Variants in ALDH18A1 observed in about 807,000 individuals in gnomAD.
The protein encoded by ALDH18A1 is delta-1-pyrroline-5-carboxylate synthase.
In ALDH18A1, 44 loss-of-function variants were observed where a neutral mutation model predicts 88.8. The observed-to-expected ratio is 0.50, with a 90% confidence interval of 0.39 to 0.64. ALDH18A1 has a LOEUF of 0.64. Ranked by LOEUF, ALDH18A1 falls within the 30% of genes least tolerant of loss-of-function variation. The pLI, the probability that ALDH18A1 is intolerant of heterozygous loss-of-function variation, is 0.00. For missense variants in ALDH18A1, 782 were observed against 1,009.5 expected (o/e 0.77, Z 3.05); for synonymous variants, 331 against 372.1 (o/e 0.89, Z 1.27).
intron 3 of ALDH18A1, among the ~76,000 whole-genome samples, chr10:95,637,708 C>G (rs1263310770): frequency 6.6e-6 from 1 of 152,108 alleles, no homozygotes; most frequent in Non-Finnish European, 1.5e-5. Flanking sequence ...GTGGCTCATG[C>G]CTGTAATCCC....
intron 2 of ALDH18A1, among the ~76,000 whole-genome samples, chr10:95,646,768 A>G (rs1304221455): frequency 2.6e-5 from 4 of 152,170 alleles, no homozygotes; most frequent in African/African-American, 9.7e-5. Context: ...GTCCCCTCTT[A>G]GTAGGTATGA....
intron 12 of ALDH18A1, among the ~76,000 whole-genome samples, chr10:95,619,837 A>G (rs1304139161): frequency 2.6e-5 from 4 of 152,238 alleles, no homozygotes; most frequent in African/African-American, 9.6e-5. Flanking sequence ...TAAAAACCCT[A>G]GAAGAAAACC....
Position 95,621,036 on chromosome 10 carries a change from G to A in ALDH18A1, c.1462C>T (p.Pro488Ser). The change falls in exon 12 of 18, where the codon CCC becomes TCC. Residue 488 changes from proline (P) to serine (S), a missense_variant. Coordinates refer to ENST00000371224, the MANE Select transcript of ALDH18A1 (RefSeq NM_002860.4). ...VIFESRPDCLPQVAALAIASG... is the reference protein window; with the variant it reads ...VIFESRPDCLSQVAALAIASG... ...CTCCCGGGGTATATACACACCTGGG[G>A]TAGACAGTCAGGACGAGATTCAAAG... is the stretch of plus-strand genomic sequence containing the variant. 1 of 1,614,038 alleles carries A rather than the reference G, an allele frequency of 6.2e-7. No homozygotes were observed. Among genetic ancestry groups the A allele is most frequent in the Non-Finnish European group, 8.5e-7 (1 of 1,179,976 alleles).
intron 7 of ALDH18A1, 135 bp from the exon 8 acceptor site, chr10:95,628,627 C>T: frequency 9.3e-7 from 1 of 1,069,860 alleles, no homozygotes; most frequent in Non-Finnish European, 1.4e-6. Context: ...CTGCTTTAAC[C>T]AGAAAAAGAG....
chr10:95,640,114 G>A (rs565241542), intron 3 of ALDH18A1, among the ~76,000 whole-genome samples: 1 of 152,132 alleles, frequency 6.6e-6, no homozygotes, highest in Admixed American at 6.5e-5. Context: ...TTTATAATCT[G>A]GAATAATTCC....
In ALDH18A1 at chr10:95,636,796, T is replaced by A. The variant is rs56256708; in HGVS notation, c.558+297A>T. 0.014 allele frequency among the ~76,000 whole-genome samples: 2,118 copies of A among 152,300 alleles called. 46 individuals are homozygous for A. The highest frequency in any genetic ancestry group is 0.049 in the African/African-American group (2,017 of 41,564). On this transcript the variant is annotated intron_variant, in intron 5 of 17. Coordinates refer to ENST00000371224, the MANE Select transcript of ALDH18A1 (RefSeq NM_002860.4). ...GTTAGCACTTGGAATCCTAAGTTAT[T>A]AGTGTAACAAGAACTGATATTTACT...
chr10:95,626,577 A>T, intron 10 of ALDH18A1, 126 bp downstream of exon 10: 5 of 888,614 alleles, frequency 5.6e-6, no homozygotes, highest in South Asian at 1.4e-5. Context: ...TTTGAATCAG[A>T]CTTGTAACTC....
intron 11 of ALDH18A1, 43 bp downstream of exon 11, chr10:95,625,319 C>T: frequency 6.5e-7 from 1 of 1,532,674 alleles, no homozygotes; most frequent in Non-Finnish European, 9.0e-7. Flanking sequence ...CAAAATAATG[C>T]ACACCCCTCC....
chr10:95,643,274 C>G (rs2097895403), intron 2 of ALDH18A1, 68 bp from the exon 3 acceptor site: 3 of 1,496,734 alleles, frequency 2.0e-6, no homozygotes, highest in Non-Finnish European at 2.8e-6. Flanking sequence ...TAAAAATATA[C>G]ATGCTCAGTA....
In ALDH18A1 at chr10:95,643,064, G is replaced by A. The variant is rs1278292461; in HGVS notation, c.231C>T (p.Leu77=). ...LKHAKRIVVK[L]GSAVVTRGDE... ...CCCCTCGGGTCACCACGGCACTGCC[G>A]AGCTTCACCACGATTCTCTTGGCAT... is the stretch of plus-strand genomic sequence containing the variant. Residue 77 remains leucine (L), a synonymous_variant, in exon 3 of 18, where the codon CTC becomes CTT. Transcript: ENST00000371224. 5.6e-6 allele frequency: 9 copies of A among 1,614,052 alleles called. No homozygotes were observed. In the East Asian group the frequency reaches 1.3e-4, roughly 24 times the overall value.
rs2097822013 is a variant in ALDH18A1, at chr10:95,606,068, A to C, written c.*694T>G. 5.4e-6 allele frequency: 1 copy of C among 185,894 alleles called. No individual in the cohort carries two copies. The allele number at this position is 185,894 out of a possible 1,614,324, so 11.5% of individuals were successfully genotyped here. On this transcript the variant is annotated 3_prime_UTR_variant, in exon 18 of 18. Coordinates refer to ENST00000371224, the MANE Select transcript of ALDH18A1 (RefSeq NM_002860.4). ...AATTCATACAAAAATTTCAAGCATC[A>C]CTGCTGTAGATATTCCTCCAGCTCA...
chr10:95,620,037 A>C (rs543683638), intron 12 of ALDH18A1, among the ~76,000 whole-genome samples: 1 of 152,332 alleles, frequency 6.6e-6, no homozygotes, highest in African/African-American at 2.4e-5. Context: ...CAATCTACCT[A>C]TTTGACAAAG....
Position 95,621,395 on chromosome 10 carries a change from A to G in ALDH18A1, c.1247-144T>C, listed in dbSNP as rs546063961. On this transcript the variant is annotated intron_variant, in intron 11 of 17. Coordinates refer to ENST00000371224, the MANE Select transcript of ALDH18A1 (RefSeq NM_002860.4). ...AGTGCAGTGGCATGATCTAGGCCCA[A>G]TGCAACCTCTGCCTCCTGGGTTCAA... 133 of 733,372 alleles carry G rather than the reference A, an allele frequency of 1.8e-4. No homozygotes were observed. The Middle Eastern group carries it at 3.5e-3, about 19-fold the overall frequency. 45.4% of individuals were successfully genotyped at this position (733,372 alleles called of 1,614,324 possible).
At position 95,628,447 on chromosome 10, in the gene ALDH18A1, T is replaced by A; in HGVS notation, c.854A>T (p.Asp285Val). Residue 285 changes from aspartate to valine, a missense_variant, in exon 8 of 18, where the codon GAT becomes GTT. Around this residue, in one of 3 missense-constraint regions of ALDH18A1, gnomAD observed 556 missense variants for 654.5 expected, o/e 0.85. Coordinates refer to ENST00000371224, the MANE Select transcript of ALDH18A1 (RefSeq NM_002860.4). ...PPGSDDAKLI[D>V]IFYPGDQQSV... ...CTGCTGATCTCCGGGATAAAATATA[T>A]CAATAAGCTTTGCATCATCTGAACC... The A allele has an allele frequency of 6.2e-7, 1 of 1,614,004 alleles. No individual in the cohort carries two copies. Among genetic ancestry groups the A allele is most frequent in the Non-Finnish European group, 8.5e-7 (1 of 1,179,976 alleles).
intron 15 of ALDH18A1, among the ~76,000 whole-genome samples, chr10:95,612,742 G>C (rs2097837516): frequency 6.6e-6 from 1 of 152,208 alleles, no homozygotes; most frequent in South Asian, 2.1e-4. Context: ...GGCTAAAGGA[G>C]AGCTTTCCTC....
rs1015740582 is a variant in ALDH18A1 at position 95,632,857 on chromosome 10, A to G, written c.808+102T>C. ...AACATATGGCTAATGATCTATAGCAAAAAAACATCAGAGGGACTCAAAGAA... is the reference window on the plus strand; with the variant it reads ...AACATATGGCTAATGATCTATAGCAGAAAAACATCAGAGGGACTCAAAGAA... On this transcript the variant is annotated intron_variant, in intron 7 of 17. Coordinates refer to ENST00000371224, the MANE Select transcript of ALDH18A1 (RefSeq NM_002860.4). 8.6e-6 allele frequency: 9 copies of G among 1,046,020 alleles called. No individual in the cohort carries two copies. In the African/African-American group the frequency reaches 1.4e-4, roughly 17 times the overall value. 64.8% of individuals were successfully genotyped at this position (1,046,020 alleles called of 1,614,324 possible). A position where few individuals can be genotyped will look rare whatever the true frequency, so the allele number is the denominator to read the frequency against.
rs190909413 is a variant in ALDH18A1 at position 95,625,555 on chromosome 10, C to T, written c.1153-100G>A. On this transcript the variant is annotated intron_variant, in intron 10 of 17. Transcript: ENST00000371224. ...ACTCTTCTGAGAGTGCCAGGCCTTG[C>T]TCCCACATCCACGGTCATCACCAGT... 53 of 957,358 alleles carry T rather than the reference C, an allele frequency of 5.5e-5. No individual in the cohort carries two copies. The South Asian group carries it at 6.5e-4, about 12-fold the overall frequency. 59.3% of individuals were successfully genotyped at this position (957,358 alleles called of 1,614,324 possible). A position where few individuals can be genotyped will look rare whatever the true frequency, so the allele number is the denominator to read the frequency against.
rs55659918 is a variant in ALDH18A1 at position 95,609,769 on chromosome 10, A to ATTTTTTTTTT, written c.2206+418_2206+427dup. On this transcript the variant is annotated intron_variant, in intron 17 of 17. Transcript: ENST00000371224. ...CCTACCTTGCCAGAAGTCTGTCTCT[A>ATTTTTTTTTT]TTTTTTTTTTTTTTTTGAGATGGTG... Among the ~76,000 whole-genome samples the ATTTTTTTTTT allele has an allele frequency of 3.1e-4, 35 of 114,216 alleles. 2 individuals are homozygous for ATTTTTTTTTT. The highest frequency in any genetic ancestry group is 4.8e-4 in the Non-Finnish European group (28 of 58,700). 74.9% of individuals were successfully genotyped at this position (114,216 alleles called of 152,430 possible).
At chr10:95,631,107 A>T (rs2097868483) in intron 7 of ALDH18A1, among the ~76,000 whole-genome samples, 1 of 152,158 alleles carries the variant, frequency 6.6e-6, no homozygotes, top group Admixed American at 6.5e-5. Context: ...TAGATTTTGG[A>T]CACAGCTACT....
Sources: gnomAD v4.1 joint callset for allele counts (sites outside exome capture counted in the v4.1 genomes callset) on GRCh38, gnomAD v4.1.1 for gene constraint, gnomAD v4.1.1 regional missense constraint, MANE v1.5 for transcripts, NCBI Gene and HGNC (gene_info 2026-07-23, HGNC 2026-07-21) for gene names.